MATN2: variants seen among roughly 807,000 people sequenced by gnomAD.
MATN2 encodes the protein matrilin-2.
In MATN2, 69 loss-of-function variants were observed where a neutral mutation model predicts 103.2. The ratio of observed to expected loss-of-function variants is 0.67; its 90% CI spans 0.55 to 0.82. The LOEUF is 0.82. MATN2 is among the 40% of genes least tolerant of loss of function. The pLI is 0.00. For synonymous variants in MATN2, 429 were observed against 450.2 expected (o/e 0.95, Z 0.60); for missense variants, 1,023 against 1,211.5 (o/e 0.84, Z 2.31).
chr8:98,020,969 A>T (rs894399009), intron 12 of MATN2: 2 of 365,938 alleles, frequency 5.5e-6, no homozygotes, highest in Non-Finnish European at 1.0e-5. Context: ...TAGGATAGTA[A>T]GTCAAGGACA....
rs1346214595 is a variant in MATN2 at position 97,961,455 on chromosome 8, G to T, written c.883G>T (p.Val295Leu). 6.2e-7 allele frequency: 1 copy of T among 1,613,900 alleles called. No individual in the cohort carries two copies. Among genetic ancestry groups the T allele is most frequent in the Non-Finnish European group, 8.5e-7 (1 of 1,179,830 alleles). ...GGACCACAACTGTGAGCAGCTCTGT[G>T]TGAATGTGCCGGGCTCCTTCGTCTG... is the stretch of plus-strand genomic sequence containing the variant. ...MEDHNCEQLC[V>L]NVPGSFVCQC... The change falls in exon 5 of 19, where the codon GTG becomes TTG. Residue 295 changes from valine to leucine, a missense_variant. Transcript: ENST00000254898.
intron 2 of MATN2, among the ~76,000 whole-genome samples, chr8:97,891,535 G>A (rs570068293): frequency 1.3e-5 from 2 of 151,876 alleles, no homozygotes; most frequent in African/African-American, 4.8e-5. Context: ...ACAGGGTTTC[G>A]CCATGTTGTC....
chr8:98,010,214 A>C (rs1330884856), intron 10 of MATN2, among the ~76,000 whole-genome samples: 1 of 151,104 alleles, frequency 6.6e-6, no homozygotes, highest in Non-Finnish European at 1.5e-5. Flanking sequence ...TCCCAATGTC[A>C]CCCCCATGGG....
intron 10 of MATN2, among the ~76,000 whole-genome samples, chr8:98,009,429 C>T (rs2130394590): frequency 6.6e-6 from 1 of 152,340 alleles, no homozygotes; most frequent in Non-Finnish European, 1.5e-5. Context: ...AGGCCTGGCT[C>T]AGCAGATAAG....
intron 7 of MATN2, among the ~76,000 whole-genome samples, chr8:97,995,757 C>T (rs1382053643): frequency 6.6e-6 from 1 of 152,242 alleles, no homozygotes; most frequent in Non-Finnish European, 1.5e-5. Context: ...AAGTGCTAAA[C>T]TGTGTATAGT....
chr8:97,889,678 G>A (rs1411909920), intron 2 of MATN2, among the ~76,000 whole-genome samples: 5 of 151,724 alleles, frequency 3.3e-5, no homozygotes, highest in Non-Finnish European at 4.4e-5. Flanking sequence ...TCTTGGCCTC[G>A]AGTGATCTGC....
chr8:98,001,674 C>T (rs1458527408), intron 7 of MATN2, among the ~76,000 whole-genome samples: 1 of 152,040 alleles, frequency 6.6e-6, no homozygotes, highest in Non-Finnish European at 1.5e-5. Flanking sequence ...GGTGGGGTTT[C>T]ACCATGTTAG....
intron 2 of MATN2, among the ~76,000 whole-genome samples, chr8:97,928,872 ACT>A (rs1172928086): frequency 6.6e-6 from 1 of 152,090 alleles, no homozygotes; most frequent in East Asian, 1.9e-4. Flanking sequence ...AAGATTTCAA[ACT>A]CTCAGTGCTC....
At chr8:97,893,592 ATTTATG>A (rs1563650496) in intron 2 of MATN2, among the ~76,000 whole-genome samples, 1 of 61,644 alleles carries the variant, frequency 1.6e-5, no homozygotes, top group Admixed American at 2.4e-4. Context: ...TTATTTATTT[ATTTATG>A]ATAGAGTCTT....
intron 2 of MATN2, among the ~76,000 whole-genome samples, chr8:97,897,093 G>A (rs1818838526): frequency 6.6e-6 from 1 of 152,242 alleles, no homozygotes; most frequent in South Asian, 2.1e-4. Flanking sequence ...AAACTTCATT[G>A]TGCATCAAAA....
At chr8:97,888,339 TC>T in intron 2 of MATN2, 97 bp downstream of exon 2, 1 of 1,327,028 alleles carries the variant, frequency 7.5e-7, no homozygotes, top group Non-Finnish European at 9.7e-7. Context: ...AGCTTTCCTT[TC>T]CCTGGGTCCT....
intron 12 of MATN2, chr8:98,021,004 G>C: frequency 4.2e-6 from 2 of 478,598 alleles, no homozygotes; most frequent in Non-Finnish European, 7.6e-6. Flanking sequence ...GTACCATTCA[G>C]ACTCATGGGA....
At chr8:97,915,872 G>A (rs1303161703) in intron 2 of MATN2, among the ~76,000 whole-genome samples, 1 of 152,062 alleles carries the variant, frequency 6.6e-6, no homozygotes, top group Non-Finnish European at 1.5e-5. Flanking sequence ...GTGTCTGTGT[G>A]TGTGTGTGTG....
In MATN2 at chr8:98,007,504, C is replaced by T. The variant is rs1813013412; in HGVS notation, c.1476C>T (p.Asp492=). The T allele has an allele frequency of 2.5e-6, 4 of 1,613,036 alleles. No homozygotes were observed. Among genetic ancestry groups the T allele is most frequent in the Non-Finnish European group, 3.4e-6 (4 of 1,179,106 alleles). ...CSRVDYCLLS[D]HGCEYSCVNM... is the part of the protein sequence containing the mutation. ...GGGTGGATTACTGCCTGCTGAGTGACCATGGTTGTGAATACTCCTGTGTCA... is the reference window on the plus strand; with the variant it reads ...GGGTGGATTACTGCCTGCTGAGTGATCATGGTTGTGAATACTCCTGTGTCA... Residue 492 remains aspartate (D), a synonymous_variant, in exon 10 of 19, where the codon GAC becomes GAT. Transcript: ENST00000254898. This position sits in a 1 kb window ranked among gnomAD's most constrained non-coding sequence, Gnocchi z 4.2.
intron 2 of MATN2, among the ~76,000 whole-genome samples, chr8:97,918,759 T>C (rs1466480575): frequency 2.0e-5 from 3 of 152,154 alleles, no homozygotes; most frequent in Non-Finnish European, 4.4e-5. Flanking sequence ...CTCTTCACTC[T>C]TGGCCACCTA....
chr8:97,926,270 C>T (rs753477754), intron 2 of MATN2, among the ~76,000 whole-genome samples: 5 of 152,168 alleles, frequency 3.3e-5, no homozygotes, highest in Admixed American at 6.5e-5. Flanking sequence ...ATTGTATGTT[C>T]TTCTCCCAGG....
chr8:98,035,864 C>T lies in MATN2; in HGVS notation c.*152C>T. ...AACCTGGTTTGCCACAGAACAAAGA[C>T]AAGAAGTATACACTAACTTGTATAA... On this transcript the variant is annotated 3_prime_UTR_variant, in exon 19 of 19. Transcript: ENST00000254898. The T allele has an allele frequency of 2.2e-6, 1 of 448,724 alleles. No homozygotes were observed. The highest frequency in any genetic ancestry group is 4.0e-6 in the Non-Finnish European group (1 of 248,428). The allele number at this position is 448,724 out of a possible 1,614,324, so 27.8% of individuals were successfully genotyped here.
At chr8:98,030,662 TC>T (rs765273646) in intron 15 of MATN2, 48 bp downstream of exon 15, 1 of 1,562,762 alleles carries the variant, frequency 6.4e-7, no homozygotes, top group East Asian at 2.3e-5. Context: ...CAGCATGAAC[TC>T]CTTTTTTTTT....
intron 1 of MATN2, among the ~76,000 whole-genome samples, chr8:97,879,347 A>G (rs1181672111): frequency 1.3e-5 from 2 of 152,170 alleles, no homozygotes; most frequent in African/African-American, 4.8e-5. Flanking sequence ...GCTGGGGTGG[A>G]TGTGGGGGCC....
Sources: allele counts gnomAD v4.1 joint callset (sites outside exome capture counted in the v4.1 genomes callset), GRCh38; gene constraint gnomAD v4.1.1; non-coding constraint Gnocchi (gnomAD v3.1); transcripts MANE v1.5; gene names NCBI Gene and HGNC (gene_info 2026-07-23, HGNC 2026-07-21).